GUCY1A2: variants seen among roughly 807,000 people sequenced by gnomAD.
The protein encoded by GUCY1A2 is guanylate cyclase 1 soluble subunit alpha 2.
A neutral mutation model predicts 63.5 loss-of-function variants in GUCY1A2; 27 were observed. That is an observed-to-expected ratio of 0.43 (90% CI 0.31 to 0.59). The LOEUF is 0.59. Among genes scored for constraint, GUCY1A2 ranks in the 20% least tolerant of loss-of-function variants. The probability of loss-of-function intolerance (pLI) is 0.11; values close to 1 mark genes in which losing one functional copy is unlikely to be tolerated. For missense variants in GUCY1A2, 768 were observed against 913.3 expected (o/e 0.84, Z 2.05); for synonymous variants, 364 against 343.5 (o/e 1.06, Z -0.66).
At chr11:106,734,998 T>G (rs1863564725) in intron 6 of GUCY1A2, among the ~76,000 whole-genome samples, 1 of 152,028 alleles carries the variant, frequency 6.6e-6, no homozygotes, top group African/African-American at 2.4e-5. Flanking sequence ...TTTTTTAATT[T>G]TTTATTTTTA....
intron 7 of GUCY1A2, among the ~76,000 whole-genome samples, chr11:106,692,543 A>G (rs1438110103): frequency 6.6e-6 from 1 of 152,000 alleles, no homozygotes; most frequent in Non-Finnish European, 1.5e-5. Context: ...ATTTTCACCA[A>G]GCTCTGTGCT....
At chr11:106,809,542 C>T (rs1565296916) in intron 5 of GUCY1A2, among the ~76,000 whole-genome samples, 1 of 152,014 alleles carries the variant, frequency 6.6e-6, no homozygotes, top group East Asian at 1.9e-4. Context: ...AAAGAGATCT[C>T]ACTTAATAAT....
At position 106,810,588 on chromosome 11, in the gene GUCY1A2, A is replaced by G. The variant is rs1273889526; in HGVS notation, c.1207-110T>C. 8.4e-6 allele frequency: 7 copies of G among 832,448 alleles called. No individual in the cohort carries two copies. The East Asian group carries it at 1.8e-4, about 22-fold the overall frequency. 51.6% of individuals were successfully genotyped at this position (832,448 alleles called of 1,614,324 possible). On this transcript the variant is annotated intron_variant, in intron 4 of 7. Coordinates refer to ENST00000526355, the MANE Select transcript of GUCY1A2 (RefSeq NM_000855.3). ...AAAAAATGTTTTATTAGCAATACTG[A>G]GTTACTGCATTCATATAAGCAAATT...
intron 1 of GUCY1A2, among the ~76,000 whole-genome samples, chr11:106,992,923 AC>A (rs1352018058): frequency 6.6e-6 from 1 of 151,976 alleles, no homozygotes; most frequent in African/African-American, 2.4e-5. Flanking sequence ...CCAGATCCTC[AC>A]CACCATAATC....
At chr11:106,742,552 G>A (rs1565275266) in intron 6 of GUCY1A2, among the ~76,000 whole-genome samples, 1 of 152,180 alleles carries the variant, frequency 6.6e-6, no homozygotes, top group African/African-American at 2.4e-5. Context: ...AGTATTCCAT[G>A]GAGTATATGT....
chr11:106,911,536 A>T (rs1246278333), intron 4 of GUCY1A2, among the ~76,000 whole-genome samples: 5 of 152,154 alleles, frequency 3.3e-5, no homozygotes, highest in Non-Finnish European at 7.4e-5. Flanking sequence ...GGTAATCCTT[A>T]AATTCGACAA....
chr11:106,791,991 TA>T (rs892723656), intron 5 of GUCY1A2, among the ~76,000 whole-genome samples: 2 of 150,710 alleles, frequency 1.3e-5, no homozygotes, highest in Non-Finnish European at 3.0e-5. Flanking sequence ...AGAGATACAA[TA>T]AAAAAAGAAA....
chr11:106,940,124 C>A lies in GUCY1A2; in HGVS notation c.542G>T (p.Cys181Phe). Residue 181 changes from cysteine (C) to phenylalanine (F), a missense_variant, in exon 4 of 8, where the codon TGC becomes TTC. This residue lies in a region of GUCY1A2 where 496 missense variants were observed against 486.9 expected (regional missense o/e 1.02). Coordinates refer to ENST00000526355, the MANE Select transcript of GUCY1A2 (RefSeq NM_000855.3). The stretch of plus-strand genomic sequence containing the variant: ...AAGGACTCTCTCATTCTCATGAAAG[C>A]ATATATTAAAGAACTCTTCACCAAA... ...KRFGEEFFNI[C>F]FHENERVLRA... The A allele has an allele frequency of 6.2e-7, 1 of 1,611,432 alleles. No individual in the cohort carries two copies. The highest frequency in any genetic ancestry group is 1.1e-5 in the South Asian group (1 of 90,882).
In GUCY1A2 at chr11:106,682,759, GCTGTGATA is replaced by G. The variant is rs1862452676; in HGVS notation, c.*4782_*4789del. 4.8e-6 allele frequency: 1 copy of G among 210,036 alleles called. No homozygotes were observed. The highest frequency in any genetic ancestry group is 9.7e-6 in the Non-Finnish European group (1 of 103,354). The allele number at this position is 210,036 out of a possible 1,614,324, so 13.0% of individuals were successfully genotyped here. ...AAAACTATTTTAGAATATGGGATTA[GCTGTGATA>G]CTTCCTGTGTTATAAATGTATCAGT... is the stretch of plus-strand genomic sequence containing the variant. On this transcript the variant is annotated 3_prime_UTR_variant, in exon 8 of 8. Coordinates refer to ENST00000526355, the MANE Select transcript of GUCY1A2 (RefSeq NM_000855.3).
chr11:106,772,247 C>CTTTTCAAAGTTTGGATTCAG (rs1466191655), intron 6 of GUCY1A2, among the ~76,000 whole-genome samples: 1 of 152,116 alleles, frequency 6.6e-6, no homozygotes, highest in Non-Finnish European at 1.5e-5. Flanking sequence ...TATCAATTTA[C>CTTTTCAAAGTTTGGATTCAG]TTTTCAAAGT....
intron 4 of GUCY1A2, among the ~76,000 whole-genome samples, chr11:106,924,050 TATTTG>T (rs1166407241): frequency 3.9e-5 from 6 of 152,200 alleles, no homozygotes; most frequent in Non-Finnish European, 8.8e-5. Context: ...GGAATTTTCT[TATTTG>T]ATTTTAGAAT....
At chr11:106,834,644 A>G (rs2135439060) in intron 4 of GUCY1A2, among the ~76,000 whole-genome samples, 1 of 152,186 alleles carries the variant, frequency 6.6e-6, no homozygotes, top group East Asian at 1.9e-4. Flanking sequence ...TTTGCATAAA[A>G]TATAATTTTC....
chr11:106,696,007 C>T (rs1051124166), intron 7 of GUCY1A2, among the ~76,000 whole-genome samples: 34 of 152,058 alleles, frequency 2.2e-4, no homozygotes, highest in African/African-American at 7.7e-4. Flanking sequence ...TTTTCTGCAA[C>T]CCACCCCAGG....
Position 106,676,606 on chromosome 11 carries a change from C to T in GUCY1A2, c.*10943G>A, listed in dbSNP as rs1292157333. On this transcript the variant is annotated 3_prime_UTR_variant, in exon 8 of 8. Transcript: ENST00000526355. ...ACTCAAAACATCATACTATGCCAAG[C>T]TGAATTACAGAAGGGTATCTAAGAA... The T allele has an allele frequency of 1.1e-5, 2 of 188,150 alleles. No individual in the cohort carries two copies. The highest frequency in any genetic ancestry group is 2.2e-5 in the Non-Finnish European group (2 of 89,296). 11.7% of individuals were successfully genotyped at this position (188,150 alleles called of 1,614,324 possible).
intron 1 of GUCY1A2, among the ~76,000 whole-genome samples, chr11:106,995,176 C>G (rs907701903): frequency 6.6e-6 from 1 of 152,182 alleles, no homozygotes; most frequent in Non-Finnish European, 1.5e-5. Flanking sequence ...AATGGGGAAG[C>G]TTTCTGGGTT....
At chr11:106,721,533 C>G (rs564870030) in intron 6 of GUCY1A2, among the ~76,000 whole-genome samples, 10 of 152,312 alleles carry the variant, frequency 6.6e-5, no homozygotes, top group African/African-American at 2.2e-4. Flanking sequence ...ACACCCCATA[C>G]TCTAATCTTC....
At chr11:106,705,377 C>T (rs1174295903) in intron 7 of GUCY1A2, among the ~76,000 whole-genome samples, 1 of 152,108 alleles carries the variant, frequency 6.6e-6, no homozygotes, top group African/African-American at 2.4e-5. Context: ...TTACCAAACC[C>T]ATTCTTTCTT....
intron 4 of GUCY1A2, among the ~76,000 whole-genome samples, chr11:106,912,208 T>C (rs1860304866): frequency 6.6e-6 from 1 of 152,090 alleles, no homozygotes; most frequent in Admixed American, 6.6e-5. Flanking sequence ...CCCATCTTTT[T>C]TTTTAACCAG....
At chr11:106,749,313 T>C (rs1208197220) in intron 6 of GUCY1A2, among the ~76,000 whole-genome samples, 1 of 152,112 alleles carries the variant, frequency 6.6e-6, no homozygotes, top group Non-Finnish European at 1.5e-5. Flanking sequence ...AATGTATGTA[T>C]TGTCCACAAG....
Sources: gnomAD v4.1 joint callset for allele counts (sites outside exome capture counted in the v4.1 genomes callset) on GRCh38, gnomAD v4.1.1 for gene constraint, gnomAD v4.1.1 regional missense constraint, MANE v1.5 for transcripts, NCBI Gene and HGNC (gene_info 2026-07-23, HGNC 2026-07-21) for gene names.